The following CASP9 variants were observed in gnomAD, a reference collection of about 807,000 sequenced individuals.
The protein encoded by CASP9 is caspase 9.
Under a neutral mutation model 43.5 loss-of-function variants are expected in CASP9, and 29 were observed. The observed-to-expected ratio is 0.67, with a 90% CI of 0.50 to 0.91. The LOEUF (loss-of-function observed/expected upper bound fraction) is 0.91, where lower values mean the gene tolerates loss of function less well. Among genes scored for constraint, CASP9 ranks in the 40% least tolerant of loss-of-function variants. The probability of loss-of-function intolerance (pLI) is 0.00; values close to 1 mark genes in which losing one functional copy is unlikely to be tolerated. For missense variants in CASP9, 575 were observed against 537.4 expected (o/e 1.07, Z -0.69); for synonymous variants, 206 against 211.9 (o/e 0.97, Z 0.24).
At chr1:15,513,238 A>G in intron 2 of CASP9, among the ~76,000 whole-genome samples, 1 of 152,158 alleles carries the variant, frequency 6.6e-6, no homozygotes, top group African/African-American at 2.4e-5. Context: ...GCTCATGCAA[A>G]TGTTTACTAA....
chr1:15,504,589 G>T (rs768106450), intron 6 of CASP9, 22 bp downstream of exon 6: 1 of 1,602,008 alleles, frequency 6.2e-7, no homozygotes, highest in African/African-American at 1.3e-5. Flanking sequence ...CCCACCCAGA[G>T]GGAGGCTGAG....
intron 1 of CASP9, among the ~76,000 whole-genome samples, chr1:15,520,583 AAGGGCCGCTTG>A (rs1710146359): frequency 6.6e-6 from 1 of 152,236 alleles, no homozygotes. Context: ...AGGCCCGCAT[AAGGGCCGCTTG>A]AGGGCTCCTT....
intron 2 of CASP9, among the ~76,000 whole-genome samples, chr1:15,509,249 T>G (rs1709641418): frequency 6.6e-6 from 1 of 152,124 alleles, no homozygotes; most frequent in South Asian, 2.1e-4. Flanking sequence ...TCCGTGGCTG[T>G]GAAGACAATG....
At chr1:15,493,309 C>T in intron 8 of CASP9, 2 of 1,333,420 alleles carry the variant, frequency 1.5e-6, no homozygotes, top group Non-Finnish European at 9.6e-7. Context: ...CTTCTCGTGG[C>T]ATGAATACCT....
chr1:15,520,883 C>A (rs995021123), intron 1 of CASP9, among the ~76,000 whole-genome samples: 1 of 152,014 alleles, frequency 6.6e-6, no homozygotes, highest in Non-Finnish European at 1.5e-5. Flanking sequence ...CCTGGCTGGG[C>A]GCGGTGGCTC....
chr1:15,493,721 G>A, intron 8 of CASP9, 171 bp downstream of exon 8: 1 of 1,496,926 alleles, frequency 6.7e-7, no homozygotes, highest in East Asian at 2.5e-5. Flanking sequence ...CAGGCAGGAT[G>A]CCTCTCATAA....
chr1:15,521,088 C>T (rs1334592444), intron 1 of CASP9, among the ~76,000 whole-genome samples: 1 of 144,296 alleles, frequency 6.9e-6, no homozygotes, highest in Non-Finnish European at 1.5e-5. Context: ...ACCCGGGAGG[C>T]GGAGCTTGCA....
At chr1:15,496,874 G>A (rs1363676342) in intron 6 of CASP9, among the ~76,000 whole-genome samples, 1 of 151,824 alleles carries the variant, frequency 6.6e-6, no homozygotes, top group Non-Finnish European at 1.5e-5. Flanking sequence ...ATTTAGCCAG[G>A]TGTGGTGGCA....
intron 8 of CASP9, 174 bp downstream of exon 8, chr1:15,493,718 G>A: frequency 2.0e-6 from 3 of 1,495,282 alleles, no homozygotes; most frequent in East Asian, 5.0e-5. Context: ...CCACAGGCAG[G>A]ATGCCTCTCA....
chr1:15,495,524 C>A (rs2308945), intron 6 of CASP9, 72 bp from the exon 7 acceptor site: 2 of 1,302,706 alleles, frequency 1.5e-6, no homozygotes, highest in Non-Finnish European at 2.1e-6. Context: ...ATATGAAAGT[C>A]GGTGCAATAT....
At chr1:15,494,669 G>C (rs9700738) in intron 7 of CASP9, among the ~76,000 whole-genome samples, 41,757 of 150,934 alleles carry the variant, frequency 0.28, 6,604 homozygotes, top group African/African-American at 0.43. Flanking sequence ...CGAGACCATC[G>C]TGGCTAACAC....
chr1:15,492,283 T>C lies in CASP9; in HGVS notation c.*660A>G, dbSNP rs1285987386. 1.3e-5 allele frequency: 2 copies of C among 152,238 alleles called. No individual in the cohort carries two copies. The highest frequency in any genetic ancestry group is 2.9e-5 in the Non-Finnish European group (2 of 68,044). 9.4% of individuals were successfully genotyped at this position (152,238 alleles called of 1,614,324 possible). ...AAATAGGCAAAAGAGAGTCCATATT[T>C]GCCTCAGATTTATTTTTTAAAATTA... On this transcript the variant is annotated 3_prime_UTR_variant, in exon 9 of 9. Coordinates refer to ENST00000333868, the MANE Select transcript of CASP9 (RefSeq NM_001229.5).
At chr1:15,496,699 T>A (rs1039043183) in intron 6 of CASP9, among the ~76,000 whole-genome samples, 3 of 152,154 alleles carry the variant, frequency 2.0e-5, no homozygotes, top group African/African-American at 7.2e-5. Flanking sequence ...TTAACCAAGA[T>A]GAAAGACTTG....
At chr1:15,506,842 G>A in intron 4 of CASP9, 57 bp downstream of exon 4, 1 of 1,467,240 alleles carries the variant, frequency 6.8e-7, no homozygotes, top group Non-Finnish European at 9.4e-7. Flanking sequence ...TCCCTCAAAA[G>A]ATACTTCCCC....
chr1:15,514,915 G>A (rs1709894752), intron 2 of CASP9, among the ~76,000 whole-genome samples: 1 of 152,090 alleles, frequency 6.6e-6, no homozygotes, highest in African/African-American at 2.4e-5. Flanking sequence ...TGAGGTGAGA[G>A]AATTGTTTGA....
At chr1:15,494,723 C>T (rs933311761) in intron 7 of CASP9, among the ~76,000 whole-genome samples, 3 of 151,246 alleles carry the variant, frequency 2.0e-5, no homozygotes, top group African/African-American at 7.3e-5. Context: ...ATTAGCCAGG[C>T]GTGGTGGCAG....
intron 8 of CASP9, chr1:15,493,367 A>C: frequency 8.1e-7 from 1 of 1,233,984 alleles, no homozygotes. Flanking sequence ...AGGCAGCCAC[A>C]AGGCCACAGG....
At chr1:15,508,596 G>C (rs994724857) in intron 2 of CASP9, among the ~76,000 whole-genome samples, 4 of 151,982 alleles carry the variant, frequency 2.6e-5, no homozygotes, top group African/African-American at 9.7e-5. Flanking sequence ...TGTATTTTTA[G>C]TAGAGACGGG....
At chr1:15,516,999 C>A (rs928621623) in intron 2 of CASP9, among the ~76,000 whole-genome samples, 1 of 152,200 alleles carries the variant, frequency 6.6e-6, no homozygotes, top group African/African-American at 2.4e-5. Flanking sequence ...TAAATTAGAT[C>A]ATTTATGTAA....
Sources: allele counts gnomAD v4.1 joint callset (sites outside exome capture counted in the v4.1 genomes callset), GRCh38; gene constraint gnomAD v4.1.1; transcripts MANE v1.5; gene names NCBI Gene and HGNC (gene_info 2026-07-23, HGNC 2026-07-21).